LDLRAD3: variants seen among roughly 807,000 people sequenced by gnomAD.
The protein encoded by LDLRAD3 is low-density lipoprotein receptor class A domain-containing protein 3.
In LDLRAD3, 20 loss-of-function variants were observed where a neutral mutation model predicts 29.4. The ratio of observed to expected loss-of-function variants is 0.68; its 90% confidence interval spans 0.48 to 0.99. LDLRAD3 has a LOEUF of 0.99. Among genes scored for constraint, LDLRAD3 ranks in the 50% least tolerant of loss-of-function variants. The probability of loss-of-function intolerance (pLI) is 0.00; values close to 1 mark genes in which losing one functional copy is unlikely to be tolerated. For synonymous variants in LDLRAD3, 157 were observed against 192.7 expected (o/e 0.81, Z 1.53); for missense variants, 420 against 454.3 (o/e 0.92, Z 0.69).
chr11:36,088,386 C>T (rs1258887025), intron 3 of LDLRAD3, among the ~76,000 whole-genome samples: 7 of 152,050 alleles, frequency 4.6e-5, no homozygotes, highest in East Asian at 1.9e-4. Flanking sequence ...TGGGGGACCA[C>T]GATAGAAAAT....
chr11:35,981,620 CCTTCT>C (rs1851542684), intron 1 of LDLRAD3, among the ~76,000 whole-genome samples: 1 of 152,164 alleles, frequency 6.6e-6, no homozygotes, highest in South Asian at 2.1e-4. Flanking sequence ...GATGCTGTGA[CCTTCT>C]CTTTCTCTTT....
chr11:36,016,870 C>CT (rs1256771419), intron 1 of LDLRAD3, among the ~76,000 whole-genome samples: 5 of 152,150 alleles, frequency 3.3e-5, no homozygotes, highest in East Asian at 1.9e-4. Context: ...CTCCTGAATT[C>CT]TTTTTAAAGG....
intron 1 of LDLRAD3, among the ~76,000 whole-genome samples, chr11:36,012,726 T>C (rs1851971810): frequency 6.6e-6 from 1 of 152,220 alleles, no homozygotes; most frequent in African/African-American, 2.4e-5. Flanking sequence ...TCAGAACTTA[T>C]GAATGGTTTA....
At chr11:36,098,615 A>G (rs1853399974) in intron 4 of LDLRAD3, among the ~76,000 whole-genome samples, 154 bp downstream of exon 4, 1 of 152,222 alleles carries the variant, frequency 6.6e-6, no homozygotes, top group Non-Finnish European at 1.5e-5. Flanking sequence ...ACAGGTAGGT[A>G]CCCGTGTTTA....
chr11:36,198,509 C>T (rs570334073), intron 4 of LDLRAD3, among the ~76,000 whole-genome samples: 1 of 152,330 alleles, frequency 6.6e-6, no homozygotes, highest in East Asian at 1.9e-4. Context: ...GCAGGACCAA[C>T]ATCCTGAGAG....
At chr11:36,089,507 A>G (rs2133264785) in intron 3 of LDLRAD3, among the ~76,000 whole-genome samples, 1 of 151,780 alleles carries the variant, frequency 6.6e-6, no homozygotes, top group East Asian at 1.9e-4. Flanking sequence ...GGCTAACTGC[A>G]ACCTCCGCCT....
intron 4 of LDLRAD3, chr11:36,196,738 A>G (rs1463500121): frequency 2.0e-5 from 3 of 152,222 alleles, no homozygotes; most frequent in Non-Finnish European, 4.4e-5. Context: ...AGCTCTGCAT[A>G]CAGTCATGTT....
intron 1 of LDLRAD3, among the ~76,000 whole-genome samples, chr11:36,008,131 A>G (rs1008613671): frequency 2.6e-5 from 4 of 152,170 alleles, no homozygotes; most frequent in African/African-American, 9.7e-5. Context: ...TACCCAATAA[A>G]TGGTAGTTAT....
intron 2 of LDLRAD3, among the ~76,000 whole-genome samples, chr11:36,080,804 C>T (rs1853101559): frequency 6.6e-6 from 1 of 152,172 alleles, no homozygotes; most frequent in Non-Finnish European, 1.5e-5. Context: ...AGTCCTCTCC[C>T]AGTTGAGCCC....
chr11:36,014,297 G>C (rs1000874678), intron 1 of LDLRAD3, among the ~76,000 whole-genome samples: 1 of 152,248 alleles, frequency 6.6e-6, no homozygotes, highest in Non-Finnish European at 1.5e-5. Flanking sequence ...CAGACAGATA[G>C]ACAGAGAGAG....
rs888051485 is a variant in LDLRAD3 at position 36,196,333 on chromosome 11, C to T, written c.455-30752C>T. ...GAAAGAGAGAAAGCTCACCTGCAGCCCGTGAAGTCACGCTTTTGCATTCCG... is the reference window on the plus strand; with the variant it reads ...GAAAGAGAGAAAGCTCACCTGCAGCTCGTGAAGTCACGCTTTTGCATTCCG... On this transcript the variant is annotated intron_variant, in intron 4 of 5. Transcript: ENST00000315571. 6 of 152,146 alleles carry T rather than the reference C, an allele frequency of 3.9e-5. No homozygotes were observed. The East Asian group carries it at 7.7e-4, about 20-fold the overall frequency. 9.4% of individuals were successfully genotyped at this position (152,146 alleles called of 1,614,324 possible). A position where few individuals can be genotyped will look rare whatever the true frequency, so the allele number is the denominator to read the frequency against.
chr11:36,015,383 G>T (rs930277708), intron 1 of LDLRAD3, among the ~76,000 whole-genome samples: 8 of 137,260 alleles, frequency 5.8e-5, no homozygotes. Flanking sequence ...TCTTGGACTT[G>T]ATAGTGAGGT....
intron 1 of LDLRAD3, among the ~76,000 whole-genome samples, chr11:35,960,086 C>A (rs947609051): frequency 2.6e-5 from 4 of 152,198 alleles, no homozygotes; most frequent in African/African-American, 7.2e-5. Context: ...GCACTTACAT[C>A]CCTTGCATAG....
intron 4 of LDLRAD3, among the ~76,000 whole-genome samples, chr11:36,109,322 C>G (rs746150188): frequency 3.3e-5 from 5 of 151,616 alleles, no homozygotes; most frequent in Non-Finnish European, 7.4e-5. Context: ...ATGTTGCGCT[C>G]TCTCCCATGG....
chr11:36,048,090 G>A (rs1852478256), intron 2 of LDLRAD3, among the ~76,000 whole-genome samples: 1 of 152,170 alleles, frequency 6.6e-6, no homozygotes, highest in Admixed American at 6.5e-5. Context: ...AAGAGAGAGA[G>A]CCTCCAGGGT....
chr11:36,089,950 T>C (rs1853255797), intron 3 of LDLRAD3, among the ~76,000 whole-genome samples: 1 of 152,170 alleles, frequency 6.6e-6, no homozygotes, highest in Non-Finnish European at 1.5e-5. Flanking sequence ...GCACCTGCTA[T>C]GGCCCACATG....
chr11:36,047,560 T>A (rs1852468080), intron 2 of LDLRAD3, among the ~76,000 whole-genome samples: 1 of 152,230 alleles, frequency 6.6e-6, no homozygotes, highest in Non-Finnish European at 1.5e-5. Flanking sequence ...GCATATGATA[T>A]TTCAGCCAAT....
At chr11:36,089,083 G>A (rs1159110439) in intron 3 of LDLRAD3, among the ~76,000 whole-genome samples, 2 of 152,136 alleles carry the variant, frequency 1.3e-5, no homozygotes, top group Non-Finnish European at 2.9e-5. Flanking sequence ...CTTAGCAAGC[G>A]ACAAACATAT....
chr11:36,172,333 G>C (rs1854609468), intron 4 of LDLRAD3, among the ~76,000 whole-genome samples: 1 of 151,656 alleles, frequency 6.6e-6, no homozygotes, highest in South Asian at 2.1e-4. Context: ...TCGTTCTCTT[G>C]TTTGATTGCT....
Sources: allele counts gnomAD v4.1 joint callset (sites outside exome capture counted in the v4.1 genomes callset), GRCh38; gene constraint gnomAD v4.1.1; transcripts MANE v1.5; gene names NCBI Gene and HGNC (gene_info 2026-07-23, HGNC 2026-07-21).